Variants in RP1 observed in about 807,000 individuals in gnomAD.
The protein encoded by RP1 is RP1 axonemal microtubule associated, also known as oxygen-regulated protein 1.
A neutral mutation model predicts 14.8 loss-of-function variants in RP1; 16 were observed. The ratio of observed to expected loss-of-function variants is 1.08; its 90% confidence interval spans 0.73 to 1.65. The LOEUF (loss-of-function observed/expected upper bound fraction) is 1.65, where lower values mean the gene tolerates loss of function less well. Among genes scored for constraint, RP1 ranks in the 40% most tolerant of loss-of-function variants. RP1 has a pLI of 0.00. For missense variants in RP1, 2,631 were observed against 2,535.0 expected (o/e 1.04, Z -0.81); for synonymous variants, 876 against 883.6 (o/e 0.99, Z 0.15).
intron 22 of RP1, among the ~76,000 whole-genome samples, chr8:54,764,993 A>G (rs1809725148): frequency 6.6e-6 from 1 of 152,124 alleles, no homozygotes; most frequent in African/African-American, 2.4e-5. Flanking sequence ...TCACTCTTGA[A>G]AAACTGAAGT....
At chr8:54,605,557 A>G (rs11995396) in intron 1 of RP1, among the ~76,000 whole-genome samples, 68,785 of 151,222 alleles carry the variant, frequency 0.45, 17,405 homozygotes, top group African/African-American at 0.66. Context: ...TATTAGGTCC[A>G]CTTGGTGCAG....
intron 7 of RP1, among the ~76,000 whole-genome samples, chr8:54,665,411 G>C (rs1335233733): frequency 6.6e-6 from 1 of 152,102 alleles, no homozygotes; most frequent in African/African-American, 2.4e-5. Context: ...TTTGTTTTTA[G>C]TGGCCCCCAG....
intron 24 of RP1, among the ~76,000 whole-genome samples, chr8:54,811,264 C>G (rs907334493): frequency 1.3e-5 from 2 of 152,188 alleles, no homozygotes; most frequent in Non-Finnish European, 2.9e-5. Flanking sequence ...CATGTCTGCA[C>G]TTCACCAGCA....
chr8:54,638,550 A>AT (rs753716082), intron 3 of RP1, among the ~76,000 whole-genome samples: 2 of 151,860 alleles, frequency 1.3e-5, no homozygotes, highest in Non-Finnish European at 2.9e-5. Context: ...TTTGTCTTTT[A>AT]TTTTCTAATC....
intron 19 of RP1, among the ~76,000 whole-genome samples, chr8:54,741,827 T>C (rs867881151): frequency 4.1e-4 from 61 of 148,944 alleles, no homozygotes; most frequent in African/African-American, 1.5e-3. Flanking sequence ...TTTTTTATTT[T>C]TTCATTTTTA....
At chr8:54,729,462 T>C (rs1162834002) in intron 17 of RP1, among the ~76,000 whole-genome samples, 1 of 152,200 alleles carries the variant, frequency 6.6e-6, no homozygotes, top group Non-Finnish European at 1.5e-5. Context: ...GTTGAAGTCT[T>C]CCTTAAAAAC....
chr8:54,610,920 G>T lies in RP1; in HGVS notation c.-12-10035G>T, dbSNP rs1228392862. Among the ~76,000 whole-genome samples, 6 of 152,288 alleles carry T rather than the reference G, an allele frequency of 3.9e-5. No individual in the cohort carries two copies. The East Asian group carries it at 7.7e-4, about 20-fold the overall frequency. On this transcript the variant is annotated intron_variant, in intron 1 of 22. Transcript: ENST00000636932. Reference sequence around the variant, plus strand: ...TCCTGTAACATTTCTTGAGGAGCAGGTCTATTGGTAATAAACTTCCCGAGC... The same window carrying T: ...TCCTGTAACATTTCTTGAGGAGCAGTTCTATTGGTAATAAACTTCCCGAGC...
At chr8:54,605,984 G>C (rs1303749984) in intron 1 of RP1, among the ~76,000 whole-genome samples, 1 of 151,320 alleles carries the variant, frequency 6.6e-6, no homozygotes, top group Non-Finnish European at 1.5e-5. Context: ...GATGGGTCTT[G>C]ACTCTTTATC....
intron 12 of RP1, among the ~76,000 whole-genome samples, chr8:54,682,305 T>C (rs140780248): frequency 9.9e-5 from 15 of 152,098 alleles, no homozygotes; most frequent in African/African-American, 3.4e-4. Context: ...GTTTGTTACA[T>C]AGGTATACAT....
At chr8:54,790,268 G>A (rs754115959) in intron 24 of RP1, among the ~76,000 whole-genome samples, 1 of 152,190 alleles carries the variant, frequency 6.6e-6, no homozygotes, top group Non-Finnish European at 1.5e-5. Context: ...GACCTTAACA[G>A]AAAGCATAAC....
intron 22 of RP1, among the ~76,000 whole-genome samples, chr8:54,759,945 C>T (rs1809599338): frequency 6.6e-6 from 1 of 152,046 alleles, no homozygotes; most frequent in Non-Finnish European, 1.5e-5. Context: ...AGGTAATCAA[C>T]AGGAAATGAG....
In RP1 at chr8:54,800,462, C is replaced by T. The variant is rs184527751; in HGVS notation, c.3615+16752C>T. 4.3e-4 allele frequency among the ~76,000 whole-genome samples: 65 copies of T among 151,958 alleles called. 1 individual carries two copies. In the East Asian group the frequency reaches 0.012, roughly 28 times the overall value. On this transcript the variant is annotated intron_variant, in intron 24 of 28. Coordinates refer to the RP1 transcript ENST00000637698. ...GAAAATATTTCTCATGCCCTGTTCT[C>T]TTTCTTCTTTTTTCAAGATTCCAAA... is the stretch of plus-strand genomic sequence containing the variant.
At chr8:54,594,546 G>A (rs1246062037) in intron 1 of RP1, among the ~76,000 whole-genome samples, 1 of 152,220 alleles carries the variant, frequency 6.6e-6, no homozygotes, top group African/African-American at 2.4e-5. Flanking sequence ...TTTGATGAAA[G>A]TAATTTAAAT....
At chr8:54,702,404 G>A (rs532579634) in intron 14 of RP1, among the ~76,000 whole-genome samples, 4 of 152,140 alleles carry the variant, frequency 2.6e-5, no homozygotes, top group South Asian at 2.1e-4. Flanking sequence ...TCCAGTGCCT[G>A]TAAAAGTTAT....
chr8:54,776,974 C>A (rs1266417236), intron 23 of RP1, among the ~76,000 whole-genome samples: 2 of 152,170 alleles, frequency 1.3e-5, no homozygotes, highest in African/African-American at 4.8e-5. Flanking sequence ...TGCTGCTGCT[C>A]AGCGGCTGCT....
chr8:54,590,548 G>A (rs1019330383), intron 1 of RP1, among the ~76,000 whole-genome samples: 1 of 152,038 alleles, frequency 6.6e-6, no homozygotes, highest in Non-Finnish European at 1.5e-5. Context: ...TTACCTTGTT[G>A]GCCACACATG....
chr8:54,596,176 A>T (rs1198002396), intron 1 of RP1, among the ~76,000 whole-genome samples: 2 of 152,194 alleles, frequency 1.3e-5, no homozygotes, highest in African/African-American at 4.8e-5. Context: ...ATTAATCAGG[A>T]TCGCTGTGAA....
intron 7 of RP1, among the ~76,000 whole-genome samples, chr8:54,672,031 A>C (rs1807192681): frequency 6.6e-6 from 1 of 152,132 alleles, no homozygotes; most frequent in East Asian, 1.9e-4. Flanking sequence ...ACCTTTTCTG[A>C]CAATGTGTCT....
Position 54,715,631 on chromosome 8 carries a change from G to A in RP1, c.2212-4498G>A, listed in dbSNP as rs536164424. On this transcript the variant is annotated intron_variant, in intron 15 of 22. Coordinates refer to the RP1 transcript ENST00000636932. The stretch of plus-strand genomic sequence containing the variant: ...GCTCAGGAGAGGCAGGTTGATTTGA[G>A]CAGAGTGGGTGAGTAGAAGTTTCCT... 2.0e-5 allele frequency among the ~76,000 whole-genome samples: 3 copies of A among 152,312 alleles called. No individual in the cohort carries two copies. The South Asian group carries it at 6.2e-4, about 32-fold the overall frequency.
Sources: allele counts gnomAD v4.1 joint callset (sites outside exome capture counted in the v4.1 genomes callset), GRCh38; gene constraint gnomAD v4.1.1; transcripts MANE v1.5; gene names NCBI Gene and HGNC (gene_info 2026-07-23, HGNC 2026-07-21).